The following FOXN3 variants were observed in gnomAD, a reference collection of about 807,000 sequenced individuals.
FOXN3 encodes the protein forkhead box N3.
Under a neutral mutation model 38.4 loss-of-function variants are expected in FOXN3, and 7 were observed. That is an observed-to-expected ratio of 0.18 (90% confidence interval 0.10 to 0.34). The LOEUF is 0.34. Ranked by LOEUF, FOXN3 falls within the 10% of genes least tolerant of loss-of-function variation. FOXN3 has a pLI of 1.00. For missense variants in FOXN3, 456 were observed against 613.4 expected (o/e 0.74, Z 2.71); for synonymous variants, 230 against 242.2 (o/e 0.95, Z 0.47).
intron 4 of FOXN3, among the ~76,000 whole-genome samples, chr14:89,206,763 A>G (rs1441494709): frequency 6.6e-6 from 1 of 152,268 alleles, no homozygotes; most frequent in Admixed American, 6.5e-5. Flanking sequence ...CGTAACTGCC[A>G]TCATGCCTGC....
At chr14:89,348,037 G>A (rs2140004619) in intron 3 of FOXN3, among the ~76,000 whole-genome samples, 1 of 152,248 alleles carries the variant, frequency 6.6e-6, no homozygotes, top group Middle Eastern at 3.4e-3. Flanking sequence ...CAAGGTCTGG[G>A]CAGTGCTCTC....
intron 1 of FOXN3, among the ~76,000 whole-genome samples, chr14:89,529,645 G>A (rs7141068): frequency 0.015 from 2,249 of 152,270 alleles, 45 homozygotes; most frequent in African/African-American, 0.052. Context: ...CTCCTATCCA[G>A]GAAGGGGGCA....
chr14:89,318,570 T>C (rs1263717166), intron 3 of FOXN3, among the ~76,000 whole-genome samples: 1 of 152,174 alleles, frequency 6.6e-6, no homozygotes, highest in East Asian at 1.9e-4. Context: ...AAGAAATAAT[T>C]ATAAAACATA....
At chr14:89,535,470 C>A (rs1429839918) in intron 1 of FOXN3, among the ~76,000 whole-genome samples, 1 of 152,194 alleles carries the variant, frequency 6.6e-6, no homozygotes, top group Admixed American at 6.5e-5. Flanking sequence ...AGCAGTAATA[C>A]TTAAAAGACA....
Position 89,397,212 on chromosome 14 carries a change from C to T in FOXN3, c.543+14722G>A, listed in dbSNP as rs548811124. ...GAAAACCAAATACCACATGTTCTCA[C>T]TTATAAGTGGGAGCTAAATGATGAG... is the stretch of plus-strand genomic sequence containing the variant. On this transcript the variant is annotated intron_variant, in intron 2 of 5. Coordinates refer to ENST00000557258, the MANE Select transcript of FOXN3 (RefSeq NM_005197.4). 1.8e-3 allele frequency among the ~76,000 whole-genome samples: 275 copies of T among 152,154 alleles called. 2 individuals carry two copies. The highest frequency in any genetic ancestry group is 6.4e-3 in the African/African-American group (265 of 41,514).
At chr14:89,375,747 T>G (rs991658139) in intron 2 of FOXN3, among the ~76,000 whole-genome samples, 1 of 152,134 alleles carries the variant, frequency 6.6e-6, no homozygotes. Flanking sequence ...ATACACCCAG[T>G]GTCCAGTTTC....
chr14:89,370,666 T>C (rs538070082), intron 2 of FOXN3, among the ~76,000 whole-genome samples: 1 of 152,350 alleles, frequency 6.6e-6, no homozygotes, highest in African/African-American at 2.4e-5. Flanking sequence ...TTTGGTTTGA[T>C]GCGCATGTTC....
At chr14:89,515,929 G>A (rs773812593) in intron 1 of FOXN3, among the ~76,000 whole-genome samples, 3 of 152,202 alleles carry the variant, frequency 2.0e-5, no homozygotes, top group Non-Finnish European at 4.4e-5. Context: ...CGGTGTGGTT[G>A]CCTCTGGAAC....
intron 1 of FOXN3, among the ~76,000 whole-genome samples, chr14:89,508,981 C>G (rs573696921): frequency 6.6e-6 from 1 of 152,302 alleles, no homozygotes; most frequent in East Asian, 1.9e-4. Context: ...ATATCACCTC[C>G]CTGGACACCC....
chr14:89,180,637 C>T (rs937522303), intron 5 of FOXN3, 64 bp downstream of exon 5: 7 of 1,211,202 alleles, frequency 5.8e-6, no homozygotes, highest in Admixed American at 5.3e-5. Flanking sequence ...GAAGGGACCC[C>T]GTGGACAGAA....
At position 89,611,805 on chromosome 14, in the gene FOXN3, C is replaced by CAA. The variant is rs56373132; in HGVS notation, c.-15+7221_-15+7222dup. On this transcript the variant is annotated intron_variant, in intron 1 of 6. Transcript: ENST00000345097. ...TGGGCGACAGAGTGAGACTCCGTCTCAAAAAAAAAAAAAAAAAAAAAAAAT... is the reference window on the plus strand; with the variant it reads ...TGGGCGACAGAGTGAGACTCCGTCTCAAAAAAAAAAAAAAAAAAAAAAAAAAT... 7.3e-3 allele frequency among the ~76,000 whole-genome samples: 643 copies of CAA among 88,582 alleles called. 4 individuals carry two copies. The highest frequency in any genetic ancestry group is 0.012 in the African/African-American group (227 of 19,482). 58.1% of individuals were successfully genotyped at this position (88,582 alleles called of 152,430 possible).
At chr14:89,333,689 T>C (rs190630650) in intron 3 of FOXN3, among the ~76,000 whole-genome samples, 2 of 143,232 alleles carry the variant, frequency 1.4e-5, no homozygotes, top group Admixed American at 1.4e-4. Flanking sequence ...TTGACAGAGG[T>C]TGCAGTGAGC....
At chr14:89,534,100 CTTTTTT>C (rs79800046) in intron 1 of FOXN3, among the ~76,000 whole-genome samples, 12 of 113,834 alleles carry the variant, frequency 1.1e-4, no homozygotes, top group Non-Finnish European at 1.7e-4. Flanking sequence ...ATTATACATT[CTTTTTT>C]TTTTTTTTTT....
chr14:89,165,269 A>T (rs1214304686), intron 5 of FOXN3, among the ~76,000 whole-genome samples: 1 of 152,176 alleles, frequency 6.6e-6, no homozygotes, highest in East Asian at 1.9e-4. Flanking sequence ...GACTTTGAGC[A>T]GGCTGTTTTA....
rs186762938 is a variant in FOXN3 at position 89,213,273 on chromosome 14, G to T, written c.746-32467C>A. Among the ~76,000 whole-genome samples the T allele has an allele frequency of 9.2e-5, 14 of 152,298 alleles. No homozygotes were observed. In the South Asian group the frequency reaches 2.9e-3, roughly 32 times the overall value. On this transcript the variant is annotated intron_variant, in intron 4 of 5. Coordinates refer to ENST00000557258, the MANE Select transcript of FOXN3 (RefSeq NM_005197.4). ...AGAAAAGGGTATCTGTGGAACCTTC[G>T]TAACTACATTAAATTCTGTTAAAGA...
chr14:89,539,334 T>C (rs1894753257), intron 1 of FOXN3, among the ~76,000 whole-genome samples: 1 of 152,224 alleles, frequency 6.6e-6, no homozygotes, highest in African/African-American at 2.4e-5. Context: ...ATGTGCAGTT[T>C]TGACCAAATT....
intron 5 of FOXN3, among the ~76,000 whole-genome samples, chr14:89,177,339 C>T (rs28701104): frequency 6.6e-6 from 1 of 152,168 alleles, no homozygotes; most frequent in Non-Finnish European, 1.5e-5. Context: ...TTATGCAAAT[C>T]GTAACTTGCC....
intron 2 of FOXN3, among the ~76,000 whole-genome samples, 158 bp downstream of exon 2, chr14:89,411,776 A>T (rs576243177): frequency 3.3e-5 from 5 of 152,202 alleles, no homozygotes; most frequent in African/African-American, 1.2e-4. Context: ...GGCTTAGGGA[A>T]AGGAAATTCT....
chr14:89,275,010 T>C (rs954237047), intron 4 of FOXN3, among the ~76,000 whole-genome samples: 16 of 152,138 alleles, frequency 1.1e-4, no homozygotes, highest in African/African-American at 3.9e-4. Flanking sequence ...CTAACCTTGA[T>C]TGGGAATTTA....
Sources: allele counts gnomAD v4.1 joint callset (sites outside exome capture counted in the v4.1 genomes callset), GRCh38; gene constraint gnomAD v4.1.1; transcripts MANE v1.5; gene names NCBI Gene and HGNC (gene_info 2026-07-23, HGNC 2026-07-21).